CSMD1: variants seen among roughly 807,000 people sequenced by gnomAD.
CSMD1 encodes CUB and sushi domain-containing protein 1.
Under a neutral mutation model 417.5 loss-of-function variants are expected in CSMD1, and 213 were observed. The ratio of observed to expected loss-of-function variants is 0.51; its 90% confidence interval spans 0.46 to 0.57. The LOEUF (loss-of-function observed/expected upper bound fraction) is 0.57. Among genes scored for constraint, CSMD1 ranks in the 20% least tolerant of loss-of-function variants. CSMD1 has a pLI of 0.00. For missense variants in CSMD1, 6,923 were observed against 4,529.7 expected (o/e 1.53, Z -15.17); for synonymous variants, 2,862 against 1,736.8 (o/e 1.65, Z -16.11).
chr8:4,884,258 A>AT (rs1221680434), intron 1 of CSMD1, among the ~76,000 whole-genome samples: 1 of 151,374 alleles, frequency 6.6e-6, no homozygotes, highest in Non-Finnish European at 1.5e-5. Flanking sequence ...TATACATGTT[A>AT]TTTTTTCTAG....
At chr8:3,204,343 C>T (rs1053212404) in intron 31 of CSMD1, among the ~76,000 whole-genome samples, 1 of 151,710 alleles carries the variant, frequency 6.6e-6, no homozygotes, top group Non-Finnish European at 1.5e-5. Context: ...TGTCATGTTT[C>T]CATGAACAGA....
chr8:3,776,753 A>C (rs1798908706), intron 5 of CSMD1, among the ~76,000 whole-genome samples: 1 of 150,800 alleles, frequency 6.6e-6, no homozygotes, highest in African/African-American at 2.5e-5. Flanking sequence ...AGATAGGCAG[A>C]AAAAAGATAC....
At chr8:4,936,386 T>C (rs950687693) in intron 1 of CSMD1, among the ~76,000 whole-genome samples, 1 of 152,216 alleles carries the variant, frequency 6.6e-6, no homozygotes, top group African/African-American at 2.4e-5. Flanking sequence ...GGCAGCAGTA[T>C]AATTTTTAAA....
At chr8:4,589,912 T>G (rs150873587) in intron 2 of CSMD1, among the ~76,000 whole-genome samples, 30 of 152,334 alleles carry the variant, frequency 2.0e-4, no homozygotes, top group African/African-American at 5.8e-4. Flanking sequence ...CACCATAGAA[T>G]ATGTGGCTTT....
chr8:3,924,924 T>A (rs1487178374), intron 5 of CSMD1, among the ~76,000 whole-genome samples: 3 of 152,218 alleles, frequency 2.0e-5, no homozygotes, highest in Admixed American at 1.3e-4. Context: ...ATATTTCCTT[T>A]ATTTTTTTCT....
chr8:3,802,172 C>T (rs1346976053), intron 5 of CSMD1, among the ~76,000 whole-genome samples: 4 of 151,804 alleles, frequency 2.6e-5, no homozygotes, highest in Non-Finnish European at 5.9e-5. Flanking sequence ...ATTACTATGA[C>T]AATAAAGAAA....
intron 23 of CSMD1, among the ~76,000 whole-genome samples, chr8:3,322,861 T>A (rs1056736696): frequency 6.6e-6 from 1 of 152,268 alleles, no homozygotes; most frequent in African/African-American, 2.4e-5. Context: ...GATTTCTGGT[T>A]AACATAATGG....
chr8:4,064,154 A>C (rs138778042), intron 3 of CSMD1, among the ~76,000 whole-genome samples: 260 of 152,322 alleles, frequency 1.7e-3, no homozygotes, highest in African/African-American at 5.9e-3. Context: ...AAAGTTCAAA[A>C]GTTTGACTAT....
At chr8:3,123,885 T>C (rs1302621977) in intron 41 of CSMD1, among the ~76,000 whole-genome samples, 1 of 152,178 alleles carries the variant, frequency 6.6e-6, no homozygotes, top group Non-Finnish European at 1.5e-5. Context: ...ATTGCCTTAG[T>C]TTGGCTGTGT....
At chr8:4,060,361 G>T (rs887242317) in intron 3 of CSMD1, among the ~76,000 whole-genome samples, 2 of 152,162 alleles carry the variant, frequency 1.3e-5, no homozygotes, top group Non-Finnish European at 2.9e-5. Flanking sequence ...AAAACTGGAA[G>T]CATTCCCTTT....
At chr8:3,064,564 T>C (rs932381520) in intron 49 of CSMD1, among the ~76,000 whole-genome samples, 1 of 152,130 alleles carries the variant, frequency 6.6e-6, no homozygotes. Context: ...TGAGAATGGA[T>C]TAATACAATT....
At chr8:3,365,709 G>A (rs1394574069) in intron 20 of CSMD1, among the ~76,000 whole-genome samples, 3 of 152,204 alleles carry the variant, frequency 2.0e-5, no homozygotes, top group Admixed American at 1.3e-4. Flanking sequence ...GTCAACAGTA[G>A]GCTATTAGTA....
chr8:4,084,870 T>C (rs1292869047), intron 3 of CSMD1, among the ~76,000 whole-genome samples: 3 of 151,726 alleles, frequency 2.0e-5, no homozygotes, highest in South Asian at 2.1e-4. Context: ...CATGGTCTAA[T>C]GCAAATACAT....
intron 1 of CSMD1, among the ~76,000 whole-genome samples, chr8:4,687,803 A>T (rs1445659243): frequency 6.7e-6 from 1 of 148,162 alleles, no homozygotes; most frequent in Non-Finnish European, 1.5e-5. Flanking sequence ...GAATGCATGC[A>T]CAGACAGATA....
Position 3,245,865 on chromosome 8 carries a change from A to G in CSMD1, c.4154-15634T>C, listed in dbSNP as rs77490001. On this transcript the variant is annotated intron_variant, in intron 26 of 69. Transcript: ENST00000635120. The stretch of plus-strand genomic sequence containing the variant: ...ACTTTTATCTGCTTGATAATGAAAG[A>G]GATTTCTTTGCAATTTCTTAGCAGA... 6.2e-3 allele frequency among the ~76,000 whole-genome samples: 945 copies of G among 152,230 alleles called. 7 individuals carry two copies. Among genetic ancestry groups the G allele is most frequent in the African/African-American group, 0.021 (882 of 41,546 alleles).
At chr8:3,984,297 T>A (rs2554727) in intron 5 of CSMD1, among the ~76,000 whole-genome samples, 24 of 152,146 alleles carry the variant, frequency 1.6e-4, no homozygotes, top group African/African-American at 5.8e-4. Context: ...ATGTCACACA[T>A]GCACAGAGTT....
intron 3 of CSMD1, among the ~76,000 whole-genome samples, chr8:4,290,245 G>T (rs181393948): frequency 6.6e-6 from 1 of 152,186 alleles, no homozygotes; most frequent in East Asian, 1.9e-4. Context: ...ATGTGTTTAG[G>T]CCCGAGGGTG....
chr8:4,343,126 C>T (rs1466627396), intron 3 of CSMD1, among the ~76,000 whole-genome samples: 1 of 152,128 alleles, frequency 6.6e-6, no homozygotes, highest in South Asian at 2.1e-4. Context: ...CTCTCCAAAA[C>T]ATAAAAACAG....
intron 3 of CSMD1, among the ~76,000 whole-genome samples, chr8:4,296,409 G>C (rs948901623): frequency 2.6e-5 from 4 of 152,228 alleles, no homozygotes; most frequent in African/African-American, 7.2e-5. Context: ...TTAAAATAAA[G>C]GGTTATCACA....
Sources: allele counts gnomAD v4.1 joint callset (sites outside exome capture counted in the v4.1 genomes callset), GRCh38; gene constraint gnomAD v4.1.1; transcripts MANE v1.5; gene names NCBI Gene and HGNC (gene_info 2026-07-23, HGNC 2026-07-21).